The following MARCHF11 variants were observed in gnomAD, a reference collection of about 807,000 sequenced individuals.
The protein encoded by MARCHF11 is membrane associated ring-CH-type finger 11, also known as E3 ubiquitin-protein ligase MARCHF11.
MARCHF11 carries 29 observed loss-of-function variants against 37.3 expected under a neutral mutation model. That is an observed-to-expected ratio of 0.78 (90% confidence interval 0.58 to 1.06). The LOEUF (loss-of-function observed/expected upper bound fraction) is 1.06, where lower values mean the gene tolerates loss of function less well. Ranked by LOEUF, MARCHF11 falls within the 50% of genes least tolerant of loss-of-function variation. The pLI is 0.00. For synonymous variants in MARCHF11, 233 were observed against 228.0 expected, an observed-to-expected ratio of 1.02 and a Z score of -0.20; for missense variants, 482 against 533.4, an observed-to-expected ratio of 0.90 and a Z score of 0.95.
chr5:16,129,352 G>C (rs1737474709), intron 2 of MARCHF11: 1 of 152,120 alleles, frequency 6.6e-6, no homozygotes, highest in African/African-American at 2.4e-5. Flanking sequence ...ATGATTAGCA[G>C]TGTTTGTTTG....
chr5:16,163,209 A>G (rs1038873978), intron 2 of MARCHF11, among the ~76,000 whole-genome samples: 1 of 151,970 alleles, frequency 6.6e-6, no homozygotes, highest in African/African-American at 2.4e-5. Context: ...GGTTTACTAG[A>G]AAAGAACAGG....
At chr5:16,172,996 T>C (rs1423732503) in intron 2 of MARCHF11, among the ~76,000 whole-genome samples, 3 of 152,226 alleles carry the variant, frequency 2.0e-5, no homozygotes, top group Admixed American at 1.3e-4. Context: ...TTCCCAGTCA[T>C]TCTTACTGCT....
At chr5:16,071,956 TG>T (rs1228896185) in intron 3 of MARCHF11, among the ~76,000 whole-genome samples, 1 of 151,798 alleles carries the variant, frequency 6.6e-6, no homozygotes, top group Non-Finnish European at 1.5e-5. Flanking sequence ...TGTGTTTTTT[TG>T]TTTTTTTTGT....
chr5:16,131,521 A>G (rs1218357504), intron 2 of MARCHF11, among the ~76,000 whole-genome samples: 1 of 152,244 alleles, frequency 6.6e-6, no homozygotes, highest in Non-Finnish European at 1.5e-5. Flanking sequence ...TAATGTTATC[A>G]GCAAAGCAAT....
intron 1 of MARCHF11, 124 bp downstream of exon 1, chr5:16,178,915 A>G (rs1738410938): frequency 1.7e-6 from 2 of 1,200,838 alleles, no homozygotes. Flanking sequence ...CTCACAGGGC[A>G]GAACCAGACG....
chr5:16,152,646 T>C (rs1737907857), intron 2 of MARCHF11, among the ~76,000 whole-genome samples: 1 of 151,906 alleles, frequency 6.6e-6, no homozygotes, highest in South Asian at 2.1e-4. Flanking sequence ...GTTTATGAAA[T>C]AAAGTGCCCT....
chr5:16,174,483 A>G (rs1206304456), intron 2 of MARCHF11, among the ~76,000 whole-genome samples: 4 of 152,248 alleles, frequency 2.6e-5, no homozygotes, highest in Non-Finnish European at 4.4e-5. Flanking sequence ...TCAAATCTCA[A>G]TGAGAAAAAC....
intron 2 of MARCHF11, among the ~76,000 whole-genome samples, chr5:16,098,814 T>A (rs936048115): frequency 6.7e-5 from 10 of 148,904 alleles, no homozygotes; most frequent in African/African-American, 2.6e-4. Context: ...ATCAATTATA[T>A]TTAAATATCA....
intron 2 of MARCHF11, among the ~76,000 whole-genome samples, chr5:16,093,669 C>T (rs552668593): frequency 5.9e-5 from 9 of 152,234 alleles, no homozygotes; most frequent in Admixed American, 1.3e-4. Flanking sequence ...GGACGCTTCA[C>T]GCTTGTTTTG....
At chr5:16,080,962 C>G (rs978201503) in intron 3 of MARCHF11, among the ~76,000 whole-genome samples, 1 of 152,176 alleles carries the variant, frequency 6.6e-6, no homozygotes, top group African/African-American at 2.4e-5. Flanking sequence ...TTCCTTACTG[C>G]TATGCCTCAA....
intron 2 of MARCHF11, among the ~76,000 whole-genome samples, chr5:16,128,574 A>G (rs2126582364): frequency 6.6e-6 from 1 of 152,354 alleles, no homozygotes; most frequent in Non-Finnish European, 1.5e-5. Context: ...GGGAAATAGA[A>G]TTTAACGTTC....
chr5:16,083,084 G>C (rs116529087), intron 3 of MARCHF11, among the ~76,000 whole-genome samples: 3,580 of 152,312 alleles, frequency 0.024, 134 homozygotes, highest in African/African-American at 0.082. Context: ...GTCTTGTGAT[G>C]AAAGTCTTTT....
chr5:16,156,199 G>T (rs2126601298), intron 2 of MARCHF11, among the ~76,000 whole-genome samples: 1 of 151,952 alleles, frequency 6.6e-6, no homozygotes, highest in East Asian at 1.9e-4. Context: ...AGATCACTTT[G>T]TTGACCCTGC....
intron 2 of MARCHF11, among the ~76,000 whole-genome samples, chr5:16,168,487 G>A (rs1738207039): frequency 1.3e-5 from 2 of 152,124 alleles, no homozygotes; most frequent in African/African-American, 4.8e-5. Context: ...TAATAGAAGC[G>A]ATGGTAGTAT....
intron 2 of MARCHF11, among the ~76,000 whole-genome samples, chr5:16,126,771 C>T (rs1737416859): frequency 6.6e-6 from 1 of 152,142 alleles, no homozygotes; most frequent in African/African-American, 2.4e-5. Context: ...TCAGTTCACC[C>T]TATGAACTAC....
intron 2 of MARCHF11, among the ~76,000 whole-genome samples, chr5:16,108,042 G>T (rs1297399503): frequency 6.6e-6 from 1 of 152,202 alleles, no homozygotes; most frequent in Admixed American, 6.5e-5. Context: ...GATACAGAAA[G>T]CTGTCATACT....
At chr5:16,118,843 C>T (rs1737263391) in intron 2 of MARCHF11, among the ~76,000 whole-genome samples, 1 of 152,166 alleles carries the variant, frequency 6.6e-6, no homozygotes, top group South Asian at 2.1e-4. Context: ...TTGGAGTAGA[C>T]TGAGGAAGGA....
chr5:16,107,543 A>G (rs1737064150), intron 2 of MARCHF11, among the ~76,000 whole-genome samples: 1 of 152,166 alleles, frequency 6.6e-6, no homozygotes, highest in Non-Finnish European at 1.5e-5. Context: ...ACAATATTAA[A>G]TGTGATACAG....
At chr5:16,088,269 T>A (rs1355026459) in intron 3 of MARCHF11, among the ~76,000 whole-genome samples, 2 of 152,192 alleles carry the variant, frequency 1.3e-5, no homozygotes, top group African/African-American at 4.8e-5. Flanking sequence ...ACTGTGCACA[T>A]CCCACTGTAT....
Sources: allele counts gnomAD v4.1 joint callset (sites outside exome capture counted in the v4.1 genomes callset), GRCh38; gene constraint gnomAD v4.1.1; transcripts MANE v1.5; gene names NCBI Gene and HGNC (gene_info 2026-07-23, HGNC 2026-07-21).